Variants in TMC2 observed in about 807,000 individuals in gnomAD.
TMC2 encodes transmembrane channel-like protein 2.
In TMC2, 102 loss-of-function variants were observed where a neutral mutation model predicts 105.9. The ratio of observed to expected loss-of-function variants is 0.96; its 90% CI spans 0.82 to 1.14. The LOEUF is 1.14. Ranked by LOEUF, TMC2 falls within the 50% of genes most tolerant of loss-of-function variation. The pLI is 0.00. For missense variants in TMC2, 1,093 were observed against 1,134.3 expected, an observed-to-expected ratio of 0.96 and a Z score of 0.52; for synonymous variants, 402 against 422.8, an observed-to-expected ratio of 0.95 and a Z score of 0.60.
At chr20:2,549,045 T>C (rs2085941409) in intron 2 of TMC2, among the ~76,000 whole-genome samples, 1 of 152,184 alleles carries the variant, frequency 6.6e-6, no homozygotes, top group Admixed American at 6.5e-5. Context: ...ATTTCTGGGA[T>C]TTTTAAAATT....
intron 19 of TMC2, 91 bp from the exon 20 acceptor site, chr20:2,641,043 C>T (rs1336602971): frequency 8.9e-7 from 1 of 1,121,914 alleles, no homozygotes; most frequent in Non-Finnish European, 1.3e-6. Flanking sequence ...GGACTAAAAC[C>T]TACACACACC....
intron 18 of TMC2, among the ~76,000 whole-genome samples, chr20:2,636,490 A>ACACACACG (rs1555778112): frequency 1.3e-5 from 2 of 151,076 alleles, no homozygotes; most frequent in African/African-American, 4.9e-5. Flanking sequence ...ACACACACAC[A>ACACACACG]CACGCACACA....
intron 4 of TMC2, among the ~76,000 whole-genome samples, chr20:2,570,167 G>GAAAGAAGGAAATAAAAGTAGGA (rs540920463): frequency 2.6e-4 from 39 of 152,130 alleles, no homozygotes; most frequent in African/African-American, 9.4e-4. Context: ...TGAAAGGCAG[G>GAAAGAAGGAAATAAAAGTAGGA]AAAGAAGGAA....
chr20:2,606,956 A>C (rs1448078820), intron 11 of TMC2, among the ~76,000 whole-genome samples: 1 of 33,556 alleles, frequency 3.0e-5, no homozygotes, highest in Admixed American at 2.9e-4. Flanking sequence ...ATTTTTATTT[A>C]TATTGTTTTG....
intron 11 of TMC2, among the ~76,000 whole-genome samples, chr20:2,606,175 T>A (rs535175834): frequency 1.3e-5 from 2 of 152,258 alleles, no homozygotes; most frequent in Admixed American, 6.5e-5. Flanking sequence ...ATTTTCCTTT[T>A]TCTTTAAAGT....
intron 8 of TMC2, among the ~76,000 whole-genome samples, chr20:2,593,546 C>A (rs576491875): frequency 3.3e-5 from 5 of 152,150 alleles, no homozygotes; most frequent in Non-Finnish European, 5.9e-5. Flanking sequence ...CTAAAGATTG[C>A]GTGTGTAAGT....
intron 7 of TMC2, 65 bp downstream of exon 7, chr20:2,580,121 C>A: frequency 1.1e-6 from 1 of 913,302 alleles, no homozygotes; most frequent in Non-Finnish European, 1.7e-6. Flanking sequence ...CATCAATTAT[C>A]AACCAAATAC....
intron 5 of TMC2, among the ~76,000 whole-genome samples, chr20:2,575,380 G>C (rs76244880): frequency 0.033 from 4,973 of 152,072 alleles, 261 homozygotes; most frequent in African/African-American, 0.11. Flanking sequence ...CCAATCTATA[G>C]CAACTCACAC....
Position 2,573,861 on chromosome 20 carries a change from C to A in TMC2, c.645+1592C>A, listed in dbSNP as rs2086123454. On this transcript the variant is annotated intron_variant, in intron 5 of 19. Transcript: ENST00000358864. ...AGGCGTGAGCCACCACGCCCGGCCT[C>A]TCTCTTATTAATTCTAATCTTTTTC... Among the ~76,000 whole-genome samples, 4 of 152,090 alleles carry A rather than the reference C, an allele frequency of 2.6e-5. No homozygotes were observed. In the South Asian group the frequency reaches 8.3e-4, roughly 31 times the overall value.
At chr20:2,635,792 G>C in intron 17 of TMC2, 134 bp from the exon 18 acceptor site, 2 of 695,670 alleles carry the variant, frequency 2.9e-6, no homozygotes, top group Non-Finnish European at 5.1e-6. Context: ...ATTGAGAAAA[G>C]AAGATGGTAG....
chr20:2,545,516 T>G (rs1219946298), intron 2 of TMC2, among the ~76,000 whole-genome samples: 1 of 152,182 alleles, frequency 6.6e-6, no homozygotes, highest in African/African-American at 2.4e-5. Context: ...TATCTGTCAC[T>G]GGGGGCCATT....
chr20:2,590,698 C>T (rs926146752), intron 7 of TMC2, among the ~76,000 whole-genome samples: 12 of 151,266 alleles, frequency 7.9e-5, no homozygotes, highest in Non-Finnish European at 1.2e-4. Flanking sequence ...ACACTTCGTA[C>T]AAAAAAAATA....
At chr20:2,639,911 T>G (rs2086676065) in intron 19 of TMC2, among the ~76,000 whole-genome samples, 1 of 152,208 alleles carries the variant, frequency 6.6e-6, no homozygotes, top group African/African-American at 2.4e-5. Context: ...AAACAGTGTC[T>G]GCACGCAGAC....
chr20:2,642,082 C>T lies in TMC2; in HGVS notation c.*731C>T, dbSNP rs45468593. ...TCTGGGCAACAGAGTGAGACGCTGTCTTAACAACAACAAGTCTGGCCAGGA... is the reference window on the plus strand; with the variant it reads ...TCTGGGCAACAGAGTGAGACGCTGTTTTAACAACAACAAGTCTGGCCAGGA... On this transcript the variant is annotated 3_prime_UTR_variant, in exon 20 of 20. Coordinates refer to ENST00000358864, the MANE Select transcript of TMC2 (RefSeq NM_080751.3). 0.45 allele frequency among the ~76,000 whole-genome samples: 64,605 copies of T among 142,558 alleles called. 15,636 individuals are homozygous for T. The highest frequency in any genetic ancestry group is 0.61 in the East Asian group (2,819 of 4,614). 93.5% of individuals were successfully genotyped at this position (142,558 alleles called of 152,430 possible). A position where few individuals can be genotyped will look rare whatever the true frequency, so the allele number is the denominator to read the frequency against.
chr20:2,568,857 A>G (rs1221478592), intron 4 of TMC2, among the ~76,000 whole-genome samples: 1 of 152,146 alleles, frequency 6.6e-6, no homozygotes, highest in Non-Finnish European at 1.5e-5. Flanking sequence ...GCATTGAGAC[A>G]CTGAGACATC....
chr20:2,562,306 TC>T (rs779595331), intron 4 of TMC2, among the ~76,000 whole-genome samples: 16 of 152,202 alleles, frequency 1.1e-4, no homozygotes, highest in Non-Finnish European at 2.2e-4. Context: ...CTTCTGTGCC[TC>T]CCTCACAGCC....
chr20:2,545,193 C>A (rs939720088), intron 2 of TMC2, among the ~76,000 whole-genome samples: 3 of 151,942 alleles, frequency 2.0e-5, no homozygotes, highest in East Asian at 3.9e-4. Flanking sequence ...GGTGGTAGAG[C>A]AAGATTCTGT....
intron 2 of TMC2, among the ~76,000 whole-genome samples, chr20:2,549,994 C>T (rs532893583): frequency 6.6e-6 from 1 of 152,116 alleles, no homozygotes; most frequent in South Asian, 2.1e-4. Flanking sequence ...ACCAGCCTGG[C>T]CAACATGGTA....
chr20:2,562,133 C>T, intron 4 of TMC2, 123 bp downstream of exon 4: 2 of 1,247,466 alleles, frequency 1.6e-6, no homozygotes, highest in South Asian at 3.2e-5. Flanking sequence ...CCAGCGAGGA[C>T]AGCACTCAGG....
Sources: allele counts gnomAD v4.1 joint callset (sites outside exome capture counted in the v4.1 genomes callset), GRCh38; gene constraint gnomAD v4.1.1; transcripts MANE v1.5; gene names NCBI Gene and HGNC (gene_info 2026-07-23, HGNC 2026-07-21).